Variants in ZNF648 observed in about 807,000 individuals in gnomAD.
The protein encoded by ZNF648 is zinc finger protein 648.
A neutral mutation model predicts 0.3 loss-of-function variants in ZNF648; 1 was observed. The observed-to-expected ratio is 3.90, with a 90% CI of 1.39 to 18.51. The LOEUF (loss-of-function observed/expected upper bound fraction) is 18.51, where lower values mean the gene tolerates loss of function less well. ZNF648 is among the 30% of genes most tolerant of loss of function. ZNF648 has a pLI of 0.11. For synonymous variants in ZNF648, 376 were observed against 326.8 expected, an observed-to-expected ratio of 1.15 and a Z score of -1.62; for missense variants, 874 against 769.7, an observed-to-expected ratio of 1.14 and a Z score of -1.60.
upstream of ZNF648, chr1:182,064,979 C>A (rs1234819401): frequency 6.6e-6 from 1 of 152,192 alleles, no homozygotes; most frequent in Non-Finnish European, 1.5e-5. Context: ...AGCAATGGTA[C>A]ATTTATTGAG....
chr1:182,062,355 C>T (rs746717095), upstream of ZNF648, among the ~76,000 whole-genome samples: 2 of 152,170 alleles, frequency 1.3e-5, no homozygotes, highest in Non-Finnish European at 2.9e-5. Flanking sequence ...TTTACCCACT[C>T]AAGTCTAATG....
chr1:182,064,024 TTTA>T (rs1252237371), upstream of ZNF648: 1 of 152,178 alleles, frequency 6.6e-6, no homozygotes, highest in East Asian at 1.9e-4. Flanking sequence ...GATGTGTGGT[TTTA>T]TTTCTAAGTT....
upstream of ZNF648, chr1:182,064,381 T>A (rs1230856291): frequency 6.6e-6 from 1 of 152,190 alleles, no homozygotes; most frequent in Non-Finnish European, 1.5e-5. Context: ...GGGCTGCTTT[T>A]ATATCCCTGT....
chr1:182,058,033 C>T lies in ZNF648; in HGVS notation c.-23G>A. ...CATGATGTTCAGGCGCTTCTATTGCCTACTCCTCTGAGGAGGAGTATCCTG... is the reference window on the plus strand; with the variant it reads ...CATGATGTTCAGGCGCTTCTATTGCTTACTCCTCTGAGGAGGAGTATCCTG... On this transcript the variant is annotated 5_prime_UTR_variant, in exon 2 of 2. Coordinates refer to ENST00000339948, the MANE Select transcript of ZNF648 (RefSeq NM_001009992.1). 6.4e-7 allele frequency: 1 copy of T among 1,574,694 alleles called. No individual in the cohort carries two copies. The highest frequency in any genetic ancestry group is 8.6e-7 in the Non-Finnish European group (1 of 1,164,094).
Position 182,057,207 on chromosome 1 carries a change from G to A in ZNF648, c.804C>T (p.Pro268=). The A allele has an allele frequency of 6.4e-7, 1 of 1,570,266 alleles. No individual in the cohort carries two copies. Among genetic ancestry groups the A allele is most frequent in the Non-Finnish European group, 8.6e-7 (1 of 1,164,110 alleles). ...AFQKPSKPLS[P]AETRGGAAKR... Reference sequence around the variant, plus strand: ...TGGCGGCGCCGCCGCGCGTCTCCGCGGGGCTCAGCGGCTTGCTGGGCTTCT... The same window carrying A: ...TGGCGGCGCCGCCGCGCGTCTCCGCAGGGCTCAGCGGCTTGCTGGGCTTCT... The change falls in exon 2 of 2, where the codon CCC becomes CCT. Residue 268 remains proline (P), a synonymous_variant. Transcript: ENST00000339948.
chr1:182,062,180 G>A (rs1666040852), upstream of ZNF648, among the ~76,000 whole-genome samples: 1 of 152,182 alleles, frequency 6.6e-6, no homozygotes, highest in African/African-American at 2.4e-5. Context: ...GATGCCCACA[G>A]CCTTTTAACT....
intron 1 of ZNF648, 55 bp from the exon 2 acceptor site, chr1:182,058,128 C>T: frequency 7.7e-7 from 1 of 1,296,078 alleles, no homozygotes; most frequent in Non-Finnish European, 1.1e-6. Context: ...TAATCACTTT[C>T]ATGAGCAGAG....
In ZNF648 at chr1:182,056,095, C is replaced by T. The variant is rs1406487550; in HGVS notation, c.*209G>A. On this transcript the variant is annotated 3_prime_UTR_variant, in exon 2 of 2. Coordinates refer to ENST00000339948, the MANE Select transcript of ZNF648 (RefSeq NM_001009992.1). ...TTTCCCTTTTCCAATTGCTTATGACCTCGGACACTCAGAACCACTGATGTG... is the reference window on the plus strand; with the variant it reads ...TTTCCCTTTTCCAATTGCTTATGACTTCGGACACTCAGAACCACTGATGTG... The T allele has an allele frequency of 9.6e-6, 6 of 625,912 alleles. No homozygotes were observed. In the African/African-American group the frequency reaches 1.1e-4, roughly 12 times the overall value. The allele number at this position is 625,912 out of a possible 1,614,324, so 38.8% of individuals were successfully genotyped here. A position where few individuals can be genotyped will look rare whatever the true frequency, so the allele number is the denominator to read the frequency against.
rs969915514 is a variant in ZNF648, at chr1:182,057,437, A to G, written c.574T>C (p.Phe192Leu). 1 of 1,614,086 alleles carries G rather than the reference A, an allele frequency of 6.2e-7. No homozygotes were observed. The highest frequency in any genetic ancestry group is 1.3e-5 in the African/African-American group (1 of 74,936). The change falls in exon 2 of 2, where the codon TTC becomes CTC. Residue 192 changes from phenylalanine to leucine, a missense_variant. Transcript: ENST00000339948. ...TSAGNSSLLC[F>L]PRPGSNWDLP... ...TCCCAGTTGCTCCCCGGCCTGGGGA[A>G]ACACAACAGAGAAGAGTTCCCTGCG...
chr1:182,066,150 C>T (rs141831546), upstream of ZNF648, among the ~76,000 whole-genome samples: 101 of 152,274 alleles, frequency 6.6e-4, 4 homozygotes, highest in East Asian at 0.019. Context: ...TGCTGACTGG[C>T]AGTAGTGAAA....
chr1:182,064,909 G>A (rs549083424), upstream of ZNF648: 1 of 152,344 alleles, frequency 6.6e-6, no homozygotes, highest in South Asian at 2.1e-4. Flanking sequence ...AGCCTGTGGA[G>A]ATGAAAGTTG....
upstream of ZNF648, among the ~76,000 whole-genome samples, chr1:182,062,237 T>A (rs1666041620): frequency 6.6e-6 from 1 of 152,222 alleles, no homozygotes; most frequent in Admixed American, 6.5e-5. Context: ...TGCATACAGA[T>A]GCCAGGCCTG....
rs778078667 is a variant in ZNF648, at chr1:182,057,605, C to T, written c.406G>A (p.Gly136Ser). Residue 136 changes from glycine (G) to serine (S), a missense_variant, in exon 2 of 2, where the codon GGT (glycine) becomes AGT (serine). Transcript: ENST00000339948. Reference protein sequence around the residue: ...LPSGLAHKLLGQMQPLGDRLP... With the variant: ...LPSGLAHKLLSQMQPLGDRLP... The stretch of plus-strand genomic sequence containing the variant: ...CGGTCCCCAAGAGGTTGCATCTGAC[C>T]TAACAATTTGTGTGCGAGACCACTG... The T allele has an allele frequency of 6.2e-7, 1 of 1,614,194 alleles. No homozygotes were observed. Among genetic ancestry groups the T allele is most frequent in the South Asian group, 1.1e-5 (1 of 91,082 alleles).
rs1264087257 is a variant in ZNF648 at position 182,056,912 on chromosome 1, A to G, written c.1099T>C (p.Ser367Pro). 6.2e-7 allele frequency: 1 copy of G among 1,600,492 alleles called. No individual in the cohort carries two copies. The highest frequency in any genetic ancestry group is 8.5e-7 in the Non-Finnish European group (1 of 1,173,882). ...TTGTTGAAGGTCAGGCCGCACTCGG[A>G]GCACGGGAAGGGCTTATTGTTGCTG... ...MHSNNKPFPCSECGLTFNKPL... is the reference protein window; with the variant it reads ...MHSNNKPFPCPECGLTFNKPL... Residue 367 changes from serine (S) to proline (P), a missense_variant, in exon 2 of 2, where the codon TCC (serine) becomes CCC (proline). Coordinates refer to ENST00000339948, the MANE Select transcript of ZNF648 (RefSeq NM_001009992.1).
intron 1 of ZNF648, among the ~76,000 whole-genome samples, chr1:182,060,909 C>T (rs556075136): frequency 1.3e-5 from 2 of 152,180 alleles, no homozygotes; most frequent in Non-Finnish European, 2.9e-5. Context: ...CTCCCCACCC[C>T]ACCTCCAGCA....
At chr1:182,068,300 A>T in the ZNF648 span, 3 of 152,190 alleles carry the variant, frequency 2.0e-5, no homozygotes, top group Non-Finnish European at 4.4e-5. Context: ...TATTTGTTCG[A>T]TCATTCATTT....
rs1665948457 is a variant in ZNF648 at position 182,057,382 on chromosome 1, G to C, written c.629C>G (p.Ala210Gly). ...GCTGGCTGGGGTGGCCGACGCCTGG[G>C]CTGGTGTATGTGTCTCTTGCGTGGG... ...DLPTQETHTP[A>G]QASATPASLA... The change falls in exon 2 of 2, where the codon GCC becomes GGC. Residue 210 changes from alanine to glycine, a missense_variant. By Grantham distance (60) the Ala-to-Gly change is moderately conservative. Transcript: ENST00000339948. 1 of 1,613,130 alleles carries C rather than the reference G, an allele frequency of 6.2e-7. No homozygotes were observed. Among genetic ancestry groups the C allele is most frequent in the Non-Finnish European group, 8.5e-7 (1 of 1,179,970 alleles).
rs536914513 is a variant in ZNF648, at chr1:182,057,194, C to G, written c.817G>C (p.Gly273Arg). 4.4e-6 allele frequency: 7 copies of G among 1,573,524 alleles called. No individual in the cohort carries two copies. The South Asian group carries it at 7.9e-5, about 18-fold the overall frequency. ...SKPLSPAETRGGAAKRYACEL... is the reference protein window; with the variant it reads ...SKPLSPAETRRGAAKRYACEL... ...CACGCGTAGCGCTTGGCGGCGCCGC[C>G]GCGCGTCTCCGCGGGGCTCAGCGGC... Residue 273 changes from glycine (G) to arginine (R), a missense_variant, in exon 2 of 2, where the codon GGC (glycine) becomes CGC (arginine). Gly to Arg is a moderately radical substitution (Grantham distance 125). Transcript: ENST00000339948.
upstream of ZNF648, among the ~76,000 whole-genome samples, chr1:182,066,292 A>G (rs1439551226): frequency 1.3e-5 from 2 of 152,156 alleles, no homozygotes; most frequent in Non-Finnish European, 2.9e-5. Flanking sequence ...AATGACATGG[A>G]CTGGATGGGT....
Sources: allele counts gnomAD v4.1 joint callset (sites outside exome capture counted in the v4.1 genomes callset), GRCh38; gene constraint gnomAD v4.1.1; transcripts MANE v1.5; gene names NCBI Gene and HGNC (gene_info 2026-07-23, HGNC 2026-07-21).